PCDHGB1: variants seen among roughly 807,000 people sequenced by gnomAD.
The protein encoded by PCDHGB1 is protocadherin gamma subfamily B, 1.
A neutral mutation model predicts 56.6 loss-of-function variants in PCDHGB1; 34 were observed. That is an observed-to-expected ratio of 0.60 (90% confidence interval 0.46 to 0.80). The LOEUF (loss-of-function observed/expected upper bound fraction) is 0.80, where lower values mean the gene tolerates loss of function less well. PCDHGB1 is among the 30% of genes least tolerant of loss of function. The pLI is 0.00. For missense variants in PCDHGB1, 1,278 were observed against 1,204.6 expected, an observed-to-expected ratio of 1.06 and a Z score of -0.90; for synonymous variants, 561 against 505.9, an observed-to-expected ratio of 1.11 and a Z score of -1.46.
intron 1 of PCDHGB1, among the ~76,000 whole-genome samples, chr5:141,437,431 A>G (rs1282194918): frequency 6.6e-6 from 1 of 152,234 alleles, no homozygotes; most frequent in African/African-American, 2.4e-5. Flanking sequence ...TGAAGCAGCA[A>G]TAGCATAGGA....
chr5:141,428,459 A>G (rs1322945046), intron 1 of PCDHGB1: 2 of 350,154 alleles, frequency 5.7e-6, no homozygotes, highest in Non-Finnish European at 1.1e-5. Flanking sequence ...CCCAACTACA[A>G]TGAGGGAACT....
intron 1 of PCDHGB1, chr5:141,414,582 C>T (rs2095761888): frequency 2.5e-6 from 4 of 1,613,862 alleles, no homozygotes; most frequent in Non-Finnish European, 3.4e-6. Flanking sequence ...CAGAGAACAA[C>T]GCCAGGGGTG....
intron 1 of PCDHGB1, chr5:141,384,805 G>T (rs1314252403): frequency 6.2e-7 from 1 of 1,613,506 alleles, no homozygotes; most frequent in Admixed American, 1.7e-5. Context: ...GCTGGACAGA[G>T]ATGCCCTCAA....
Position 141,408,894 on chromosome 5 carries a change from C to T in PCDHGB1, c.2409+56225C>T, listed in dbSNP as rs778126197. 71 of 1,613,186 alleles carry T rather than the reference C, an allele frequency of 4.4e-5. No homozygotes were observed. The Middle Eastern group carries it at 4.9e-4, about 11-fold the overall frequency. ...AGTGCCACCGCTCACATAGAAATTT[C>T]TGTCAAGGATACCAATGATAACCCC... On this transcript the variant is annotated intron_variant, in intron 1 of 3. Transcript: ENST00000523390.
At chr5:141,355,297 T>C in intron 1 of PCDHGB1, 2 of 1,613,906 alleles carry the variant, frequency 1.2e-6, no homozygotes, top group South Asian at 1.1e-5. Flanking sequence ...ACAGATTCTC[T>C]ACTCGGTGTT....
chr5:141,358,754 T>C (rs1332510048), intron 1 of PCDHGB1, among the ~76,000 whole-genome samples: 1 of 152,236 alleles, frequency 6.6e-6, no homozygotes, highest in Admixed American at 6.5e-5. Flanking sequence ...TCTCTTGTCA[T>C]CATGTGAGCC....
intron 1 of PCDHGB1, among the ~76,000 whole-genome samples, chr5:141,462,877 T>G (rs1387501705): frequency 1.3e-5 from 2 of 152,240 alleles, no homozygotes; most frequent in African/African-American, 4.8e-5. Flanking sequence ...CTTTAAGAAC[T>G]ATTGCAGTTT....
intron 1 of PCDHGB1, chr5:141,419,467 C>T: frequency 6.2e-7 from 1 of 1,612,476 alleles, no homozygotes; most frequent in Non-Finnish European, 8.5e-7. Context: ...AGGCCCGCGA[C>T]CAGGGCTCGC....
chr5:141,372,280 C>A, intron 1 of PCDHGB1: 2 of 1,613,164 alleles, frequency 1.2e-6, no homozygotes, highest in Non-Finnish European at 1.7e-6. Flanking sequence ...GTGCGCACGG[C>A]GCGTACCTTG....
intron 1 of PCDHGB1, chr5:141,375,850 C>A (rs931838448): frequency 1.9e-6 from 3 of 1,614,070 alleles, no homozygotes; most frequent in East Asian, 2.2e-5. Context: ...ACCTGGTGAC[C>A]AAGGTGGTGG....
intron 1 of PCDHGB1, chr5:141,410,680 G>A: frequency 6.5e-7 from 1 of 1,535,692 alleles, no homozygotes; most frequent in Non-Finnish European, 8.7e-7. Flanking sequence ...TCATATTTTA[G>A]GCATACTACT....
chr5:141,399,569 G>A (rs1192197329), intron 1 of PCDHGB1: 1 of 1,613,888 alleles, frequency 6.2e-7, no homozygotes, highest in Non-Finnish European at 8.5e-7. Context: ...GGGTTGAACG[G>A]CCAAGTCTCC....
intron 1 of PCDHGB1, among the ~76,000 whole-genome samples, chr5:141,434,463 G>A (rs967685246): frequency 5.9e-5 from 9 of 152,192 alleles, no homozygotes; most frequent in Admixed American, 1.3e-4. Flanking sequence ...TGGGTTTACC[G>A]GAATGAGGGC....
chr5:141,393,194 C>T (rs770162660), intron 1 of PCDHGB1: 4 of 1,613,360 alleles, frequency 2.5e-6, no homozygotes, highest in Non-Finnish European at 2.5e-6. Flanking sequence ...TTGATATTAA[C>T]GATAATAACC....
chr5:141,389,899 A>G (rs1328617262), intron 1 of PCDHGB1: 1 of 1,614,032 alleles, frequency 6.2e-7, no homozygotes, highest in South Asian at 1.1e-5. Flanking sequence ...GTGCTGCCGG[A>G]TATCACTGAC....
At position 141,491,856 on chromosome 5, in the gene PCDHGB1, C is replaced by T; in HGVS notation, c.2410-2951C>T. 1.4e-6 allele frequency: 2 copies of T among 1,458,728 alleles called. No individual in the cohort carries two copies. Among genetic ancestry groups the T allele is most frequent in the Non-Finnish European group, 1.8e-6 (2 of 1,103,072 alleles). 90.4% of individuals were successfully genotyped at this position (1,458,728 alleles called of 1,614,324 possible). A position where few individuals can be genotyped will look rare whatever the true frequency, so the allele number is the denominator to read the frequency against. ...TCTCGGGATCATTGGACCGTTTGCG[C>T]GAAACCAGAGTGGCCGATTAAGGGA... On this transcript the variant is annotated intron_variant, in intron 1 of 3. Coordinates refer to ENST00000523390, the MANE Select transcript of PCDHGB1 (RefSeq NM_018922.3). The surrounding 1 kb of genome is among the most constrained non-coding windows in gnomAD (Gnocchi z 6.9).
At position 141,487,249 on chromosome 5, in the gene PCDHGB1, C is replaced by T. The variant is rs757148469; in HGVS notation, c.2410-7558C>T. ...AAGGAGAATCTCGTCTAACCCTCTACTTGGCTGTGTCCCTAGTGGCAATTT... is the reference window on the plus strand; with the variant it reads ...AAGGAGAATCTCGTCTAACCCTCTATTTGGCTGTGTCCCTAGTGGCAATTT... On this transcript the variant is annotated intron_variant, in intron 1 of 3. Coordinates refer to ENST00000523390, the MANE Select transcript of PCDHGB1 (RefSeq NM_018922.3). The surrounding 1 kb of genome is among the most constrained non-coding windows in gnomAD (Gnocchi z 5.0). 2.5e-6 allele frequency: 4 copies of T among 1,614,164 alleles called. No homozygotes were observed. In the South Asian group the frequency reaches 4.4e-5, roughly 18 times the overall value.
chr5:141,418,804 T>A, intron 1 of PCDHGB1: 2 of 1,613,836 alleles, frequency 1.2e-6, no homozygotes, highest in Non-Finnish European at 1.7e-6. Flanking sequence ...TAGAAAGATA[T>A]ACGATAAACA....
chr5:141,394,679 C>T (rs532730881), intron 1 of PCDHGB1: 1 of 1,612,552 alleles, frequency 6.2e-7, no homozygotes, highest in African/African-American at 1.3e-5. Context: ...TGGGTCTGCA[C>T]ACGGGCGAGG....
Sources: gnomAD v4.1 joint callset for allele counts (sites outside exome capture counted in the v4.1 genomes callset) on GRCh38, gnomAD v4.1.1 for gene constraint, Gnocchi (gnomAD v3.1) non-coding constraint, MANE v1.5 for transcripts, NCBI Gene and HGNC (gene_info 2026-07-23, HGNC 2026-07-21) for gene names.